Variants in ZNF239 observed in about 807,000 individuals in gnomAD.
The protein encoded by ZNF239 is zinc finger protein (C2H2) homologous to mouse MOK-2.
ZNF239 carries 16 observed loss-of-function variants against 27.5 expected under a neutral mutation model. The ratio of observed to expected loss-of-function variants is 0.58; its 90% CI spans 0.39 to 0.88. ZNF239 has a LOEUF of 0.88. Ranked by LOEUF, ZNF239 falls within the 40% of genes least tolerant of loss-of-function variation. The pLI is 0.00. For synonymous variants in ZNF239, 199 were observed against 192.6 expected (o/e 1.03, Z -0.27); for missense variants, 527 against 551.9 (o/e 0.95, Z 0.45).
chr10:43,568,777 C>T (rs1020278731), intron 2 of ZNF239, among the ~76,000 whole-genome samples: 3 of 152,156 alleles, frequency 2.0e-5, no homozygotes, highest in South Asian at 4.1e-4. Flanking sequence ...TAGCTGGGCA[C>T]GATGGCTCAC....
At chr10:43,571,473 T>C (rs1331143248) in intron 2 of ZNF239, among the ~76,000 whole-genome samples, 1 of 151,970 alleles carries the variant, frequency 6.6e-6, no homozygotes, top group Non-Finnish European at 1.5e-5. Flanking sequence ...CTCTGAGATC[T>C]CATAGCATCT....
At chr10:43,571,024 C>A in intron 2 of ZNF239, 1 of 985,004 alleles carries the variant, frequency 1.0e-6, no homozygotes, top group Non-Finnish European at 1.2e-6. Flanking sequence ...AAAGGTGGGA[C>A]TGAAACACTG....
chr10:43,572,418 G>A (rs1838088656), intron 2 of ZNF239, among the ~76,000 whole-genome samples: 1 of 152,184 alleles, frequency 6.6e-6, no homozygotes, highest in Admixed American at 6.5e-5. Context: ...TGTGAGGGCT[G>A]TATTTGCCAA....
At chr10:43,566,039 T>C (rs1203676131) in intron 3 of ZNF239, among the ~76,000 whole-genome samples, 1 of 152,102 alleles carries the variant, frequency 6.6e-6, no homozygotes, top group Non-Finnish European at 1.5e-5. Context: ...GAGACAAAAG[T>C]TCAGTAGTGA....
Position 43,557,903 on chromosome 10 carries a change from T to G in ZNF239, c.177A>C (p.Glu59Asp). Residue 59 changes from glutamate (E) to aspartate (D), a missense_variant, in exon 4 of 4, where the codon GAA (glutamate) becomes GAC (aspartate). Physicochemically the swap from Glu to Asp is conservative, Grantham distance 45. Coordinates refer to ENST00000374446, the MANE Select transcript of ZNF239 (RefSeq NM_001099282.2). The part of the protein sequence containing the change: ...TLQSGCFENI[E>D]SETYLPLKVS... Reference sequence around the variant, plus strand: ...CTTTCAAAGGCAAATATGTTTCACTTTCAATGTTTTCGAAACAACCACTTT... The same window carrying G: ...CTTTCAAAGGCAAATATGTTTCACTGTCAATGTTTTCGAAACAACCACTTT... 1 of 1,614,220 alleles carries G rather than the reference T, an allele frequency of 6.2e-7. No homozygotes were observed. Among genetic ancestry groups the G allele is most frequent in the South Asian group, 1.1e-5 (1 of 91,086 alleles).
chr10:43,571,098 C>T (rs1443175982), intron 2 of ZNF239: 1 of 812,348 alleles, frequency 1.2e-6, no homozygotes, highest in East Asian at 1.3e-4. Flanking sequence ...TGTGCTCCTG[C>T]TTACAGTTGG....
chr10:43,563,353 T>C (rs1265153834), intron 3 of ZNF239, among the ~76,000 whole-genome samples: 1 of 152,094 alleles, frequency 6.6e-6, no homozygotes, highest in Non-Finnish European at 1.5e-5. Flanking sequence ...AGAATGAGTG[T>C]ATAACATTAG....
Position 43,556,471 on chromosome 10 carries a change from T to C in ZNF239, c.*232A>G. 1 of 539,870 alleles carries C rather than the reference T, an allele frequency of 1.9e-6. No individual in the cohort carries two copies. The highest frequency in any genetic ancestry group is 3.1e-5 in the South Asian group (1 of 32,764). The allele number at this position is 539,870 out of a possible 1,614,324, so 33.4% of individuals were successfully genotyped here. ...TAGAACATGTAGTTGAATTGTAAAG[T>C]ACAGACACTTTTACTCTACCCATCT... On this transcript the variant is annotated 3_prime_UTR_variant, in exon 4 of 4. Transcript: ENST00000374446.
chr10:43,564,520 C>T (rs150770058), intron 3 of ZNF239, among the ~76,000 whole-genome samples: 230 of 152,058 alleles, frequency 1.5e-3, no homozygotes, highest in South Asian at 2.7e-3. Context: ...ATACTGAGGA[C>T]GAGAAGAGAG....
At chr10:43,573,083 T>C (rs923194871) in intron 2 of ZNF239, among the ~76,000 whole-genome samples, 1 of 152,062 alleles carries the variant, frequency 6.6e-6, no homozygotes, top group African/African-American at 2.4e-5. Context: ...CCACAGAGAG[T>C]TCTGATGCAT....
chr10:43,568,658 C>T (rs1480325955), intron 2 of ZNF239, among the ~76,000 whole-genome samples: 3 of 152,172 alleles, frequency 2.0e-5, no homozygotes, highest in African/African-American at 7.2e-5. Context: ...CCATTCACTG[C>T]CAAATATTTA....
At chr10:43,559,910 C>T (rs545469133) in intron 3 of ZNF239, among the ~76,000 whole-genome samples, 2 of 152,106 alleles carry the variant, frequency 1.3e-5, no homozygotes, top group East Asian at 1.9e-4. Context: ...AAGGCTTCTT[C>T]GTGGGTAAAA....
chr10:43,570,880 G>C (rs1180022226), intron 2 of ZNF239: 1 of 985,230 alleles, frequency 1.0e-6, no homozygotes, highest in Non-Finnish European at 1.2e-6. Flanking sequence ...TCTGAGAAGG[G>C]AAAGGATATG....
At chr10:43,562,788 G>T (rs1280502604) in intron 3 of ZNF239, among the ~76,000 whole-genome samples, 1 of 152,026 alleles carries the variant, frequency 6.6e-6, no homozygotes, top group Admixed American at 6.6e-5. Flanking sequence ...AAATGAAAAA[G>T]AAAAATGACA....
chr10:43,558,014 C>T lies in ZNF239; in HGVS notation c.66G>A (p.Glu22=), dbSNP rs1271354620. Residue 22 remains glutamate, a synonymous_variant, in exon 4 of 4, where the codon GAG becomes GAA. Coordinates refer to ENST00000374446, the MANE Select transcript of ZNF239 (RefSeq NM_001099282.2). ...IVNHRGEVDG[E]PELDISPCQQ... ...GACAAGGGGAAATATCTAGTTCAGGCTCCCCATCCACTTCCCCTCGATGAT... is the reference window on the plus strand; with the variant it reads ...GACAAGGGGAAATATCTAGTTCAGGTTCCCCATCCACTTCCCCTCGATGAT... 3 of 1,614,148 alleles carry T rather than the reference C, an allele frequency of 1.9e-6. No individual in the cohort carries two copies. The highest frequency in any genetic ancestry group is 2.2e-5 in the South Asian group (2 of 91,082).
In ZNF239 at chr10:43,557,464, GT is replaced by G; in HGVS notation, c.615del (p.Lys205AsnfsTer122). On this transcript the variant is annotated frameshift_variant, in exon 4 of 4. Transcript: ENST00000374446. LOFTEE classifies it high-confidence loss of function. ...TTACCACACTGACTACATTCGTATT[GT>G]TTCTCTGCAGTGTGGATTTTCTCAT... ...HPYEKIHTAEKQYECSQCGKN... is the reference protein window; with the variant it reads ...HPYEKIHTAEXQYECSQCGKN... The G allele has an allele frequency of 1.2e-6, 2 of 1,614,114 alleles. No homozygotes were observed. Among genetic ancestry groups the G allele is most frequent in the Non-Finnish European group, 1.7e-6 (2 of 1,179,996 alleles).
At position 43,556,555 on chromosome 10, in the gene ZNF239, T is replaced by C; in HGVS notation, c.*148A>G. The C allele has an allele frequency of 1.9e-6, 2 of 1,053,016 alleles. No individual in the cohort carries two copies. The highest frequency in any genetic ancestry group is 2.7e-6 in the Non-Finnish European group (2 of 750,824). 65.2% of individuals were successfully genotyped at this position (1,053,016 alleles called of 1,614,324 possible). On this transcript the variant is annotated 3_prime_UTR_variant, in exon 4 of 4. Coordinates refer to ENST00000374446, the MANE Select transcript of ZNF239 (RefSeq NM_001099282.2). ...TAACAAAGTGCTTGATACTTAAATA[T>C]TTTGAATGAGTGATTTTTCAGTGAG...
Position 43,557,908 on chromosome 10 carries a change from T to C in ZNF239, c.172A>G (p.Ile58Val). ...MTLQSGCFEN[I>V]ESETYLPLKV... is the part of the protein sequence containing the mutation. ...AAAGGCAAATATGTTTCACTTTCAA[T>C]GTTTTCGAAACAACCACTTTGAAGA... The change falls in exon 4 of 4, where the codon ATT becomes GTT. Residue 58 changes from isoleucine (I) to valine (V), a missense_variant. Ile to Val is a conservative substitution (Grantham distance 29). Coordinates refer to ENST00000374446, the MANE Select transcript of ZNF239 (RefSeq NM_001099282.2). 1.9e-6 allele frequency: 3 copies of C among 1,614,234 alleles called. No homozygotes were observed. The highest frequency in any genetic ancestry group is 2.5e-6 in the Non-Finnish European group (3 of 1,180,036).
intron 2 of ZNF239, among the ~76,000 whole-genome samples, chr10:43,572,687 G>C (rs564788650): frequency 2.6e-5 from 4 of 152,294 alleles, no homozygotes; most frequent in African/African-American, 9.6e-5. Context: ...GGGCAAAGAG[G>C]GGGCCGACCA....
Sources: gnomAD v4.1 joint callset for allele counts (sites outside exome capture counted in the v4.1 genomes callset) on GRCh38, gnomAD v4.1.1 for gene constraint, MANE v1.5 for transcripts, NCBI Gene and HGNC (gene_info 2026-07-23, HGNC 2026-07-21) for gene names.